Variants in GCNT1 observed in about 807,000 individuals in gnomAD.
GCNT1 encodes glucosaminyl (N-acetyl) transferase 1.
In GCNT1, 16 loss-of-function variants were observed where a neutral mutation model predicts 26.2. The ratio of observed to expected loss-of-function variants is 0.61; its 90% confidence interval spans 0.41 to 0.93. The LOEUF is 0.93. GCNT1 is among the 40% of genes least tolerant of loss of function. The pLI is 0.00. For synonymous variants in GCNT1, 183 were observed against 190.8 expected (o/e 0.96, Z 0.34); for missense variants, 477 against 526.7 (o/e 0.91, Z 0.92).
At chr9:76,456,075 G>A (rs1372351074), upstream of GCNT1, among the ~76,000 whole-genome samples, 3 of 152,200 alleles carry the variant, frequency 2.0e-5, no homozygotes, top group East Asian at 5.8e-4. Context: ...CCTTGTGCTG[G>A]TTATTGAAGT....
chr9:76,399,442 G>A, the GCNT1 span: 3 of 1,550,316 alleles, frequency 1.9e-6, no homozygotes, highest in Non-Finnish European at 2.6e-6. Flanking sequence ...TTGCAGACTG[G>A]TCTGAAGGTG....
At chr9:76,424,513 C>T (rs757233761) in intron 1 of GCNT1, among the ~76,000 whole-genome samples, 57 of 152,114 alleles carry the variant, frequency 3.7e-4, no homozygotes, top group Non-Finnish European at 1.8e-4. Context: ...GGACTGGTGT[C>T]GGACTTCAGG....
At chr9:76,499,951 T>G (rs1825016511) in intron 2 of GCNT1, among the ~76,000 whole-genome samples, 1 of 152,224 alleles carries the variant, frequency 6.6e-6, no homozygotes, top group African/African-American at 2.4e-5. Flanking sequence ...TTTTCTCAAT[T>G]TGGTTAGATA....
Position 76,505,547 on chromosome 9 carries a change from C to T in GCNT1, c.*1879C>T, listed in dbSNP as rs1825215116. 6.0e-6 allele frequency: 1 copy of T among 166,594 alleles called. No homozygotes were observed. Among genetic ancestry groups the T allele is most frequent in the Non-Finnish European group, 1.5e-5 (1 of 68,116 alleles). 10.3% of individuals were successfully genotyped at this position (166,594 alleles called of 1,614,324 possible). A position where few individuals can be genotyped will look rare whatever the true frequency, so the allele number is the denominator to read the frequency against. Reference sequence around the variant, plus strand: ...GACAGGGCACCTTTTAACTCTAAAACTAGTGATACTCAGTGACATAGACTT... The same window carrying T: ...GACAGGGCACCTTTTAACTCTAAAATTAGTGATACTCAGTGACATAGACTT... On this transcript the variant is annotated 3_prime_UTR_variant, in exon 4 of 4. Transcript: ENST00000376730.
At position 76,503,248 on chromosome 9, in the gene GCNT1, C is replaced by G; in HGVS notation, c.867C>G (p.Phe289Leu). Residue 289 changes from phenylalanine to leucine, a missense_variant, in exon 4 of 4, where the codon TTC becomes TTG. Transcript: ENST00000376730. The stretch of plus-strand genomic sequence containing the variant: ...CTCTCTTTTCTGGCAGTGCCTACTT[C>G]GTGGTCAGTAGGGAGTATGTGGGGT... ...ETPLFSGSAYFVVSREYVGYV... is the reference protein window; with the variant it reads ...ETPLFSGSAYLVVSREYVGYV... 1 of 1,614,074 alleles carries G rather than the reference C, an allele frequency of 6.2e-7. No homozygotes were observed. Among genetic ancestry groups the G allele is most frequent in the Non-Finnish European group, 8.5e-7 (1 of 1,179,958 alleles).
chr9:76,402,958 A>C, the GCNT1 span, among the ~76,000 whole-genome samples: 1 of 152,132 alleles, frequency 6.6e-6, no homozygotes. Flanking sequence ...GATTACATGC[A>C]TGAGCCACCG....
chr9:76,409,361 G>A, the GCNT1 span, among the ~76,000 whole-genome samples: 1 of 151,918 alleles, frequency 6.6e-6, no homozygotes, highest in Admixed American at 6.6e-5. Flanking sequence ...CCTGGCTAGA[G>A]GCTTATTGAT....
chr9:76,460,629 T>TA (rs1823852566), intron 2 of GCNT1, among the ~76,000 whole-genome samples: 1 of 152,260 alleles, frequency 6.6e-6, no homozygotes, highest in Non-Finnish European at 1.5e-5. Context: ...ACTGTGTAGA[T>TA]ACCTGCTTTT....
chr9:76,437,084 G>T (rs1823420146), upstream of GCNT1, among the ~76,000 whole-genome samples: 1 of 151,578 alleles, frequency 6.6e-6, no homozygotes, highest in Non-Finnish European at 1.5e-5. Context: ...TTGTGCACAT[G>T]TACCCTAGAA....
chr9:76,404,024 T>G, the GCNT1 span, among the ~76,000 whole-genome samples: 1 of 152,212 alleles, frequency 6.6e-6, no homozygotes, highest in Non-Finnish European at 1.5e-5. Flanking sequence ...AACTTTGACC[T>G]CTGTTCGGAG....
At chr9:76,420,136 T>G (rs952054451) in intron 1 of GCNT1, 10 of 152,266 alleles carry the variant, frequency 6.6e-5, no homozygotes, top group African/African-American at 2.4e-4. Context: ...AAAACAGATT[T>G]GTGTTGCCAG....
At chr9:76,426,803 G>A (rs988677198) in intron 1 of GCNT1, among the ~76,000 whole-genome samples, 3 of 152,026 alleles carry the variant, frequency 2.0e-5, no homozygotes, top group African/African-American at 4.8e-5. Flanking sequence ...GGTGGCAGAG[G>A]GTAGGGCTGA....
intron 1 of GCNT1, among the ~76,000 whole-genome samples, chr9:76,422,578 C>G (rs890630658): frequency 2.0e-5 from 3 of 152,166 alleles, no homozygotes; most frequent in Admixed American, 6.5e-5. Flanking sequence ...GGGTTTTGCT[C>G]TATCACCCAA....
At chr9:76,400,903 C>T in the GCNT1 span, among the ~76,000 whole-genome samples, 1 of 152,202 alleles carries the variant, frequency 6.6e-6, no homozygotes, top group African/African-American at 2.4e-5. Context: ...CTAAGCTCTA[C>T]TGAGAGGTGA....
chr9:76,435,036 A>G (rs1003901208), intron 1 of GCNT1, among the ~76,000 whole-genome samples: 90 of 152,236 alleles, frequency 5.9e-4, no homozygotes, highest in Non-Finnish European at 9.3e-4. Context: ...ACAGCTGAAC[A>G]TAGACCGTCA....
intron 1 of GCNT1, among the ~76,000 whole-genome samples, chr9:76,449,540 T>C (rs1392965409): frequency 1.3e-5 from 2 of 152,152 alleles, no homozygotes; most frequent in African/African-American, 4.8e-5. Context: ...GAACAATTCA[T>C]CTGCATAACA....
chr9:76,469,698 C>T (rs1226395316), intron 2 of GCNT1, among the ~76,000 whole-genome samples: 1 of 152,196 alleles, frequency 6.6e-6, no homozygotes, highest in East Asian at 1.9e-4. Flanking sequence ...CCTGATCCAG[C>T]GAGGCGCCCA....
At chr9:76,415,224 T>C (rs1257929917), upstream of GCNT1, among the ~76,000 whole-genome samples, 1 of 152,144 alleles carries the variant, frequency 6.6e-6, no homozygotes, top group Non-Finnish European at 1.5e-5. Flanking sequence ...ACCTGGCTAA[T>C]TTTTGTATTT....
At chr9:76,437,164 AT>A (rs1446760352), upstream of GCNT1, among the ~76,000 whole-genome samples, 1 of 152,038 alleles carries the variant, frequency 6.6e-6, no homozygotes, top group East Asian at 1.9e-4. Context: ...AGAGAGAGAG[AT>A]TGTCAGAAAC....
Sources: gnomAD v4.1 joint callset for allele counts (sites outside exome capture counted in the v4.1 genomes callset) on GRCh38, gnomAD v4.1.1 for gene constraint, MANE v1.5 for transcripts, NCBI Gene and HGNC (gene_info 2026-07-23, HGNC 2026-07-21) for gene names.